The following PTPN23 variants were observed in gnomAD, a reference collection of about 807,000 sequenced individuals.
The protein encoded by PTPN23 is protein tyrosine phosphatase non-receptor type 23.
A neutral mutation model predicts 156.3 loss-of-function variants in PTPN23; 72 were observed. The ratio of observed to expected loss-of-function variants is 0.46; its 90% confidence interval spans 0.38 to 0.56. The LOEUF is 0.56. Among genes scored for constraint, PTPN23 ranks in the 20% least tolerant of loss-of-function variants. The pLI, the probability that PTPN23 is intolerant of heterozygous loss-of-function variation, is 0.00. For missense variants in PTPN23, 1,974 were observed against 2,171.5 expected (o/e 0.91, Z 1.81); for synonymous variants, 957 against 899.6 (o/e 1.06, Z -1.14).
At position 47,410,688 on chromosome 3, in the gene PTPN23, T is replaced by C. The variant is rs1576230929; in HGVS notation, c.2890T>C (p.Ser964Pro). 6.2e-7 allele frequency: 1 copy of C among 1,606,422 alleles called. No individual in the cohort carries two copies. The highest frequency in any genetic ancestry group is 8.5e-7 in the Non-Finnish European group (1 of 1,177,052). ...CCAGCCCCATCCTCAGCCCCATCCTTCACAAGCGTTTGGGCCTCAGCCCCC... is the reference window on the plus strand; with the variant it reads ...CCAGCCCCATCCTCAGCCCCATCCTCCACAAGCGTTTGGGCCTCAGCCCCC... ...QPQPHPQPHPSQAFGPQPPQQ... is the reference protein window; with the variant it reads ...QPQPHPQPHPPQAFGPQPPQQ... The change falls in exon 20 of 25, where the codon TCA becomes CCA. Residue 964 changes from serine (S) to proline (P), a missense_variant. Transcript: ENST00000265562.
intron 2 of PTPN23, among the ~76,000 whole-genome samples, chr3:47,403,631 C>T (rs570453213): frequency 2.0e-5 from 3 of 152,244 alleles, no homozygotes; most frequent in South Asian, 2.1e-4. Flanking sequence ...CAGGCTCAAT[C>T]GATCTTTTCC....
Position 47,405,654 on chromosome 3 carries a change from G to T in PTPN23, c.365-95G>T. 2 of 1,288,844 alleles carry T rather than the reference G, an allele frequency of 1.6e-6. No homozygotes were observed. The highest frequency in any genetic ancestry group is 2.6e-5 in the South Asian group (2 of 77,048). 79.8% of individuals were successfully genotyped at this position (1,288,844 alleles called of 1,614,324 possible). A position where few individuals can be genotyped will look rare whatever the true frequency, so the allele number is the denominator to read the frequency against. On this transcript the variant is annotated intron_variant, in intron 4 of 24. Coordinates refer to ENST00000265562, the MANE Select transcript of PTPN23 (RefSeq NM_015466.4). The surrounding 1 kb of genome is among the most constrained non-coding windows in gnomAD (Gnocchi z 4.7). ...TTGCCCTGGTTCTCAGAGCCATGTT[G>T]TCCTGATTGTGGATAACAGCAGTGC...
chr3:47,409,374 C>A, intron 17 of PTPN23, 43 bp from the exon 18 acceptor site: 1 of 1,613,406 alleles, frequency 6.2e-7, no homozygotes, highest in Non-Finnish European at 8.5e-7. Context: ...CCTTAGGAGT[C>A]GAGGCCCTGA....
Position 47,410,933 on chromosome 3 carries a change from C to G in PTPN23, c.3135C>G (p.Pro1045=). The change falls in exon 20 of 25, where the codon CCC becomes CCG. Residue 1045 remains proline, a synonymous_variant. Transcript: ENST00000265562. ...PFPSPGPPQP[P]HPPLAYGPAP... ...CCAGCCCTGGGCCCCCTCAGCCTCCCCATCCCCCACTGGCATATGGTCCTG... is the reference window on the plus strand; with the variant it reads ...CCAGCCCTGGGCCCCCTCAGCCTCCGCATCCCCCACTGGCATATGGTCCTG... 6.2e-7 allele frequency: 1 copy of G among 1,610,384 alleles called. No individual in the cohort carries two copies. Among genetic ancestry groups the G allele is most frequent in the Non-Finnish European group, 8.5e-7 (1 of 1,177,914 alleles).
intron 1 of PTPN23, among the ~76,000 whole-genome samples, chr3:47,386,544 A>G (rs1704656502): frequency 6.6e-6 from 1 of 152,110 alleles, no homozygotes; most frequent in African/African-American, 2.4e-5. Context: ...TTTCAGGCTT[A>G]TGGAATTTTT....
intron 1 of PTPN23, among the ~76,000 whole-genome samples, chr3:47,382,680 CTTTTTTTTTTTTTTT>C (rs71098482): frequency 1.7e-5 from 1 of 58,646 alleles, no homozygotes; most frequent in African/African-American, 5.9e-5. Flanking sequence ...TTTTTCTTTT[CTTTTTTTTTTTTTTT>C]TTTTTTTTTT....
At position 47,408,488 on chromosome 3, in the gene PTPN23, A is replaced by G; in HGVS notation, c.1328A>G (p.Gln443Arg). The change falls in exon 15 of 25, where the codon CAA becomes CGA. Residue 443 changes from glutamine to arginine, a missense_variant and splice_region_variant. This residue lies in a region of PTPN23 where 726 missense variants were observed against 929.5 expected (regional missense o/e 0.78). Coordinates refer to ENST00000265562, the MANE Select transcript of PTPN23 (RefSeq NM_015466.4). ...GTCAGGAACCTTGTACAGTCCATGC[A>G]AGGTGAGTAAGGGGCAGAGCAAGCA... is the stretch of plus-strand genomic sequence containing the variant. ...DTVRNLVQSM[Q>R]VLSGVFTDVE... The G allele has an allele frequency of 6.2e-7, 1 of 1,610,452 alleles. No homozygotes were observed. The highest frequency in any genetic ancestry group is 8.5e-7 in the Non-Finnish European group (1 of 1,177,368).
At chr3:47,382,675 C>CTTTT (rs1704569368) in intron 1 of PTPN23, among the ~76,000 whole-genome samples, 2 of 63,268 alleles carry the variant, frequency 3.2e-5, no homozygotes, top group South Asian at 6.0e-4. Flanking sequence ...TTTTCTTTTT[C>CTTTT]TTTTCTTTTT....
intron 15 of PTPN23, 63 bp downstream of exon 15, chr3:47,408,553 C>A: frequency 6.4e-7 from 1 of 1,558,454 alleles, no homozygotes; most frequent in South Asian, 1.2e-5. Context: ...GTGGCCTCCT[C>A]CGTGTCCCTG....
chr3:47,388,903 G>C (rs1424243035), intron 1 of PTPN23, among the ~76,000 whole-genome samples: 1 of 152,034 alleles, frequency 6.6e-6, no homozygotes. Context: ...GACCTCAGAT[G>C]ATCCACCCGC....
In PTPN23 at chr3:47,411,186, G is replaced by A. The variant is rs138329311; in HGVS notation, c.3388G>A (p.Gly1130Ser). 9.1e-3 allele frequency: 14,651 copies of A among 1,603,578 alleles called. 94 individuals carry two copies. The highest frequency in any genetic ancestry group is 0.011 in the Non-Finnish European group (13,416 of 1,177,388). Residue 1130 changes from glycine (G) to serine (S), a missense_variant, in exon 20 of 25, where the codon GGC becomes AGC. Gly to Ser is a moderately conservative substitution (Grantham distance 56). Around this residue, in one of 4 missense-constraint regions of PTPN23, gnomAD observed 731 missense variants for 669.1 expected, o/e 1.09. Coordinates refer to ENST00000265562, the MANE Select transcript of PTPN23 (RefSeq NM_015466.4). The surrounding 1 kb of genome is among the most constrained non-coding windows in gnomAD (Gnocchi z 6.3). ...CTCCAGCCCGGAGAGCCAGCATGGC[G>A]GCACTCAGTCTCCTGGGGGTGGGCA... ...LSSSPESQHG[G>S]TQSPGGGQPL...
In PTPN23 at chr3:47,406,307, C is replaced by T. The variant is rs374356467; in HGVS notation, c.547-18C>T. The T allele has an allele frequency of 1.9e-6, 3 of 1,613,036 alleles. No individual in the cohort carries two copies. Among genetic ancestry groups the T allele is most frequent in the Non-Finnish European group, 8.5e-7 (1 of 1,179,862 alleles). The stretch of plus-strand genomic sequence containing the variant: ...GGCCTTGGGTGAGCGAGGGAGTGCA[C>T]CTCACGTGTCGCCCCAGGGCCAGGC... On this transcript the variant is annotated intron_variant, in intron 6 of 24. Coordinates refer to ENST00000265562, the MANE Select transcript of PTPN23 (RefSeq NM_015466.4). The surrounding 1 kb of genome is among the most constrained non-coding windows in gnomAD (Gnocchi z 5.8).
At chr3:47,386,571 C>T (rs924613889) in intron 1 of PTPN23, among the ~76,000 whole-genome samples, 2 of 152,140 alleles carry the variant, frequency 1.3e-5, no homozygotes, top group Admixed American at 6.5e-5. Context: ...TCCAGATTTT[C>T]CATGGGATGG....
chr3:47,408,710 G>C (rs1705189255), intron 15 of PTPN23, 66 bp from the exon 16 acceptor site: 1 of 1,529,882 alleles, frequency 6.5e-7, no homozygotes, highest in Non-Finnish European at 8.8e-7. Context: ...CTGTCTCTTG[G>C]GGGAGGGGCC....
chr3:47,400,379 A>G (rs1704968041), intron 2 of PTPN23, among the ~76,000 whole-genome samples: 3 of 152,202 alleles, frequency 2.0e-5, no homozygotes, highest in South Asian at 2.1e-4. Context: ...GCATCACAGC[A>G]TCAAGCTCTC....
At chr3:47,386,646 A>G (rs1050277420) in intron 1 of PTPN23, among the ~76,000 whole-genome samples, 2 of 152,218 alleles carry the variant, frequency 1.3e-5, no homozygotes, top group African/African-American at 4.8e-5. Context: ...AGAAAGGTAA[A>G]TAAGAGGACT....
rs948451721 is a variant in PTPN23 at position 47,412,139 on chromosome 3, G to A, written c.4119G>A (p.Glu1373=). 2 of 1,613,168 alleles carry A rather than the reference G, an allele frequency of 1.2e-6. No individual in the cohort carries two copies. Among genetic ancestry groups the A allele is most frequent in the South Asian group, 2.2e-5 (2 of 91,086 alleles). The change falls in exon 22 of 25, where the codon GAG becomes GAA. Residue 1373 remains glutamate, a synonymous_variant. Coordinates refer to ENST00000265562, the MANE Select transcript of PTPN23 (RefSeq NM_015466.4). ...SPSNLLRFIQ[E]VHAHYLHQRP... ...GCAACTTGCTGCGCTTCATCCAGGA[G>A]GTGCACGCACATTACCTGCATCAGC...
At chr3:47,382,581 A>T (rs559630260) in intron 1 of PTPN23, among the ~76,000 whole-genome samples, 76 of 151,786 alleles carry the variant, frequency 5.0e-4, no homozygotes, top group African/African-American at 1.8e-3. Context: ...TCGGCCTCCC[A>T]AAGTGCTGGG....
rs545969329 is a variant in PTPN23 at position 47,411,155 on chromosome 3, G to A, written c.3357G>A (p.Leu1119=). Residue 1119 remains leucine (L), a synonymous_variant, in exon 20 of 25, where the codon CTG becomes CTA. Transcript: ENST00000265562. This position sits in a 1 kb window ranked among gnomAD's most constrained non-coding sequence, Gnocchi z 6.3. ...GCCGAGGCGCCGCAGCTGCAGACCT[G>A]CTCTCCTCCAGCCCGGAGAGCCAGC... ...CLRRGAAAAD[L]LSSSPESQHG... is the part of the protein sequence containing the mutation. 3.7e-5 allele frequency: 59 copies of A among 1,601,816 alleles called. 1 individual carries two copies. In the East Asian group the frequency reaches 1.2e-3, roughly 33 times the overall value.
Sources: allele counts gnomAD v4.1 joint callset (sites outside exome capture counted in the v4.1 genomes callset), GRCh38; gene constraint gnomAD v4.1.1; regional missense constraint gnomAD v4.1.1; non-coding constraint Gnocchi (gnomAD v3.1); transcripts MANE v1.5; gene names NCBI Gene and HGNC (gene_info 2026-07-23, HGNC 2026-07-21).